Variants in TTC28 observed in about 807,000 individuals in gnomAD.
TTC28 encodes tetratricopeptide repeat domain 28.
Under a neutral mutation model 198.0 loss-of-function variants are expected in TTC28, and 61 were observed. That is an observed-to-expected ratio of 0.31 (90% CI 0.25 to 0.38). The LOEUF (loss-of-function observed/expected upper bound fraction) is 0.38, where lower values mean the gene tolerates loss of function less well. Among genes scored for constraint, TTC28 ranks in the 10% least tolerant of loss-of-function variants. The pLI is 1.00. For synonymous variants in TTC28, 1,171 were observed against 1,297.8 expected (o/e 0.90, Z 2.10); for missense variants, 2,678 against 3,164.0 (o/e 0.85, Z 3.69).
intron 2 of TTC28, among the ~76,000 whole-genome samples, chr22:28,556,283 C>T (rs1446941488): frequency 6.6e-6 from 1 of 152,044 alleles, no homozygotes; most frequent in Non-Finnish European, 1.5e-5. Flanking sequence ...CACTTGAACT[C>T]GGGAGGCAGA....
In TTC28 at chr22:28,107,562, GC is replaced by G; in HGVS notation, c.2282del (p.Gly761AlafsTer6). 6.4e-7 allele frequency: 1 copy of G among 1,551,798 alleles called. No individual in the cohort carries two copies. Among genetic ancestry groups the G allele is most frequent in the Non-Finnish European group, 8.7e-7 (1 of 1,147,034 alleles). Reference protein sequence around the residue: ...RLEASAYAALGTAYRMIQKYD... With the variant: ...RLEASAYAALXTAYRMIQKYD... ...ACTTCTGGATCATTCGGTATGCAGTGCCCAGGGCTGCATATGCACTGGCTTC... is the reference window on the plus strand; with the variant it reads ...ACTTCTGGATCATTCGGTATGCAGTGCCAGGGCTGCATATGCACTGGCTTC... On this transcript the variant is annotated frameshift_variant, in exon 7 of 23. Coordinates refer to ENST00000397906, the MANE Select transcript of TTC28 (RefSeq NM_001145418.2). LOFTEE classifies it high-confidence loss of function.
intron 2 of TTC28, among the ~76,000 whole-genome samples, chr22:28,554,170 AGG>A (rs1455576005): frequency 6.6e-5 from 10 of 152,166 alleles, no homozygotes; most frequent in Non-Finnish European, 1.3e-4. Flanking sequence ...AGATGCTTGA[AGG>A]CAGCATGCTG....
At chr22:28,214,973 T>A (rs541961232) in intron 5 of TTC28, among the ~76,000 whole-genome samples, 126 of 152,302 alleles carry the variant, frequency 8.3e-4, no homozygotes, top group Middle Eastern at 3.4e-3. Flanking sequence ...TGAGTTCACG[T>A]CCTTCGTAGG....
At chr22:28,206,812 T>C (rs1926444410) in intron 5 of TTC28, among the ~76,000 whole-genome samples, 1 of 152,138 alleles carries the variant, frequency 6.6e-6, no homozygotes, top group South Asian at 2.1e-4. Flanking sequence ...TCATTAGTAC[T>C]TTACTCAGCA....
intron 5 of TTC28, among the ~76,000 whole-genome samples, chr22:28,228,799 G>C (rs981047881): frequency 9.2e-5 from 14 of 152,060 alleles, no homozygotes; most frequent in Non-Finnish European, 1.3e-4. Flanking sequence ...TTATTGGTAG[G>C]AACTTTAAAA....
chr22:28,550,487 C>A (rs1224528934), intron 2 of TTC28, among the ~76,000 whole-genome samples: 1 of 152,110 alleles, frequency 6.6e-6, no homozygotes, highest in Non-Finnish European at 1.5e-5. Flanking sequence ...GATATACTAT[C>A]CCTGTAACCA....
At chr22:28,473,056 T>C (rs1197791071) in intron 2 of TTC28, among the ~76,000 whole-genome samples, 1 of 152,192 alleles carries the variant, frequency 6.6e-6, no homozygotes, top group Non-Finnish European at 1.5e-5. Context: ...TCTCATTGTA[T>C]TTGGAAAATG....
At chr22:28,556,525 A>C (rs1304334330) in intron 2 of TTC28, among the ~76,000 whole-genome samples, 2 of 152,168 alleles carry the variant, frequency 1.3e-5, no homozygotes, top group African/African-American at 4.8e-5. Flanking sequence ...TCTCTAAGTA[A>C]TCCATCTTTT....
chr22:28,345,321 G>A (rs1334038165), intron 2 of TTC28, among the ~76,000 whole-genome samples: 1 of 152,082 alleles, frequency 6.6e-6, no homozygotes, highest in African/African-American at 2.4e-5. Flanking sequence ...CTCACAGGAA[G>A]GAGAAAAAAA....
At chr22:28,626,843 A>G (rs2051083852) in intron 2 of TTC28, among the ~76,000 whole-genome samples, 2 of 152,144 alleles carry the variant, frequency 1.3e-5, no homozygotes, top group African/African-American at 4.8e-5. Context: ...TCAGAAACCA[A>G]TAATATAAAT....
intron 5 of TTC28, among the ~76,000 whole-genome samples, chr22:28,169,356 A>G (rs889561741): frequency 6.6e-6 from 1 of 152,216 alleles, no homozygotes; most frequent in African/African-American, 2.4e-5. Flanking sequence ...TCATGCTGCT[A>G]TAAAGACACA....
At chr22:28,344,661 T>TA (rs1040741403) in intron 2 of TTC28, among the ~76,000 whole-genome samples, 153 of 152,310 alleles carry the variant, frequency 1.0e-3, no homozygotes, top group African/African-American at 3.4e-3. Context: ...TGCAATAAGA[T>TA]AGAGTCCACT....
chr22:28,603,034 C>G (rs2146124593), intron 2 of TTC28, among the ~76,000 whole-genome samples: 1 of 152,230 alleles, frequency 6.6e-6, no homozygotes, highest in Non-Finnish European at 1.5e-5. Context: ...GCGTGCACCA[C>G]CACTCCAAGC....
At chr22:28,310,192 AC>A (rs1254507411) in intron 2 of TTC28, among the ~76,000 whole-genome samples, 1 of 151,390 alleles carries the variant, frequency 6.6e-6, no homozygotes, top group African/African-American at 2.4e-5. Flanking sequence ...AGACAAGAGC[AC>A]CCTCAAGGTG....
At chr22:28,250,803 A>T (rs536459898) in intron 5 of TTC28, among the ~76,000 whole-genome samples, 25 of 152,350 alleles carry the variant, frequency 1.6e-4, no homozygotes, top group African/African-American at 6.0e-4. Context: ...TAGTGGGCCA[A>T]CTATATTCTA....
intron 2 of TTC28, among the ~76,000 whole-genome samples, chr22:28,312,008 G>C (rs2045267030): frequency 6.7e-6 from 1 of 150,256 alleles, no homozygotes. Context: ...AAGGGATGGA[G>C]GAAGATCTAC....
chr22:27,990,335 G>A (rs559635453), intron 20 of TTC28, among the ~76,000 whole-genome samples: 31 of 152,130 alleles, frequency 2.0e-4, no homozygotes, highest in Non-Finnish European at 3.8e-4. Context: ...TTAGGGGACC[G>A]GCCACCTCCC....
At chr22:28,243,754 GCAGGCAA>G (rs1187560718) in intron 5 of TTC28, among the ~76,000 whole-genome samples, 2 of 152,230 alleles carry the variant, frequency 1.3e-5, no homozygotes, top group South Asian at 2.1e-4. Flanking sequence ...GAAAAAACAA[GCAGGCAA>G]AAGGTAAAAG....
chr22:27,998,928 G>T lies in TTC28; in HGVS notation c.4731C>A (p.Tyr1577Ter), dbSNP rs1274394050. Reference protein sequence around the residue: ...ASSKSSFGHPYTIPESLRVQD... With the variant: ...ASSKSSFGHP ...GCACCCGCAAGGACTCAGGGATCGT[G>T]TAGGGGTGGCCGAAGGAGCTCTTGC... Residue 1577 changes from tyrosine to a stop codon, truncating the protein, a stop_gained, in exon 16 of 23, where the codon TAC becomes TAA. Coordinates refer to ENST00000397906, the MANE Select transcript of TTC28 (RefSeq NM_001145418.2). LOFTEE classifies it high-confidence loss of function. The T allele has an allele frequency of 6.4e-7, 1 of 1,550,720 alleles. No homozygotes were observed. The highest frequency in any genetic ancestry group is 1.4e-5 in the African/African-American group (1 of 73,070).
Sources: gnomAD v4.1 joint callset for allele counts (sites outside exome capture counted in the v4.1 genomes callset) on GRCh38, gnomAD v4.1.1 for gene constraint, MANE v1.5 for transcripts, NCBI Gene and HGNC (gene_info 2026-07-23, HGNC 2026-07-21) for gene names.